Variants in FAM193B observed in about 807,000 individuals in gnomAD.
FAM193B encodes the protein family with sequence similarity 193 member B.
FAM193B carries 27 observed loss-of-function variants against 70.7 expected under a neutral mutation model. The observed-to-expected ratio is 0.38, with a 90% confidence interval of 0.28 to 0.53. The LOEUF is 0.53. FAM193B is among the 20% of genes least tolerant of loss of function. The probability of loss-of-function intolerance (pLI) is 0.81; values close to 1 mark genes in which losing one functional copy is unlikely to be tolerated. For missense variants in FAM193B, 1,022 were observed against 1,072.5 expected, an observed-to-expected ratio of 0.95 and a Z score of 0.66; for synonymous variants, 448 against 436.0, an observed-to-expected ratio of 1.03 and a Z score of -0.34.
At position 177,538,727 on chromosome 5, in the gene FAM193B, C is replaced by T. The variant is rs1293706863; in HGVS notation, c.453+178G>A. Among the ~76,000 whole-genome samples the T allele has an allele frequency of 6.6e-6, 1 of 152,118 alleles. No homozygotes were observed. The highest frequency in any genetic ancestry group is 6.6e-5 in the Admixed American group (1 of 15,266). On this transcript the variant is annotated intron_variant, in intron 2 of 8. Transcript: ENST00000514747. The surrounding 1 kb of genome is among the most constrained non-coding windows in gnomAD (Gnocchi z 4.1). ...CTGACCGGTGGGCTGCCAGAAGTTT[C>T]TCTTCTTCCCCCAAATCTGAACTTG... is the stretch of plus-strand genomic sequence containing the variant.
At chr5:177,525,939 C>A (rs1369908327) in intron 5 of FAM193B, among the ~76,000 whole-genome samples, 1 of 152,250 alleles carries the variant, frequency 6.6e-6, no homozygotes, top group African/African-American at 2.4e-5. Flanking sequence ...ACCTCTCCAT[C>A]CCACCTCAAG....
chr5:177,524,001 C>T lies in FAM193B; in HGVS notation c.2328G>A (p.Gly776=). The T allele has an allele frequency of 6.2e-7, 1 of 1,614,070 alleles. No homozygotes were observed. Among genetic ancestry groups the T allele is most frequent in the Non-Finnish European group, 8.5e-7 (1 of 1,179,900 alleles). The change falls in exon 7 of 9, where the codon GGG becomes GGA. Residue 776 remains glycine, a synonymous_variant. Transcript: ENST00000514747. Reference sequence around the variant, plus strand: ...CTCGGTCAGTCTCATCCATCTCCACCCCGTCCATGTCCTTGGGCAGGAACA... The same window carrying T: ...CTCGGTCAGTCTCATCCATCTCCACTCCGTCCATGTCCTTGGGCAGGAACA... ...DDVFLPKDMD[G]VEMDETDREV...
intron 1 of FAM193B, among the ~76,000 whole-genome samples, chr5:177,549,147 T>C (rs1485917324): frequency 1.3e-5 from 2 of 152,020 alleles, no homozygotes; most frequent in Non-Finnish European, 2.9e-5. Context: ...CCGCACTTGT[T>C]GGACCCTAAC....
At chr5:177,525,254 A>C in intron 5 of FAM193B, 49 bp from the exon 6 acceptor site, 1 of 1,414,884 alleles carries the variant, frequency 7.1e-7, no homozygotes. Flanking sequence ...ACTGCCAGGC[A>C]CAATGTGATA....
chr5:177,540,532 T>C (rs1344106879), intron 1 of FAM193B, among the ~76,000 whole-genome samples: 8 of 152,132 alleles, frequency 5.3e-5, no homozygotes, highest in African/African-American at 1.7e-4. Context: ...AAGGTGTGTA[T>C]ACATTTCCAC....
chr5:177,531,339 G>T (rs764727224), intron 5 of FAM193B: 1 of 1,360,454 alleles, frequency 7.4e-7, no homozygotes, highest in Non-Finnish European at 9.8e-7. Context: ...TGGGGACTTT[G>T]GGCTCCGTGC....
chr5:177,547,781 C>G (rs1765641885), intron 1 of FAM193B, among the ~76,000 whole-genome samples: 1 of 152,168 alleles, frequency 6.6e-6, no homozygotes, highest in African/African-American at 2.4e-5. Context: ...GTAGCTACCA[C>G]TTGTGCTAAG....
intron 1 of FAM193B, among the ~76,000 whole-genome samples, chr5:177,546,879 G>C (rs163196): frequency 3.9e-5 from 6 of 152,206 alleles, no homozygotes; most frequent in African/African-American, 1.4e-4. Context: ...CTGCCTCCTG[G>C]GTGCAATGAG....
Position 177,537,946 on chromosome 5 carries a change from C to G in FAM193B, c.615G>C (p.Ser205=). 1.3e-6 allele frequency: 2 copies of G among 1,579,998 alleles called. No individual in the cohort carries two copies. The highest frequency in any genetic ancestry group is 1.7e-6 in the Non-Finnish European group (2 of 1,162,980). The change falls in exon 3 of 9, where the codon TCG becomes TCC. Residue 205 remains serine (S), a synonymous_variant. Coordinates refer to ENST00000514747, the MANE Select transcript of FAM193B (RefSeq NM_001190946.3). The stretch of plus-strand genomic sequence containing the variant: ...TGGAATGTGGGGAATTCCAGAGGCC[C>G]GAGAGCTTATGTGCCGACAGGAACG... The part of the protein sequence containing the change: ...PSSFLSAHKL[S]GLWNSPHSSG...
At position 177,524,363 on chromosome 5, in the gene FAM193B, G is replaced by A. The variant is rs773139556; in HGVS notation, c.2118C>T (p.Pro706=). The A allele has an allele frequency of 3.8e-6, 6 of 1,573,634 alleles. No individual in the cohort carries two copies. Among genetic ancestry groups the A allele is most frequent in the Non-Finnish European group, 5.2e-6 (6 of 1,160,814 alleles). Residue 706 remains proline, a synonymous_variant, in exon 6 of 9, where the codon CCC becomes CCT. Transcript: ENST00000514747. ...SRPGPGWAGS[P]KTEKEKGSSW... ...AGCTGCCCTTCTCCTTCTCAGTTTTGGGACTGCCAGCCCAACCTGGTCCTG... is the reference window on the plus strand; with the variant it reads ...AGCTGCCCTTCTCCTTCTCAGTTTTAGGACTGCCAGCCCAACCTGGTCCTG...
At position 177,536,347 on chromosome 5, in the gene FAM193B, A is replaced by C. The variant is rs1009835179; in HGVS notation, c.1076+11T>G. 3 of 1,605,526 alleles carry C rather than the reference A, an allele frequency of 1.9e-6. No individual in the cohort carries two copies. Among genetic ancestry groups the C allele is most frequent in the African/African-American group, 1.3e-5 (1 of 74,658 alleles). ...TGGGTAGCGAGTTTGCCCTTCATGC[A>C]GCACACTTACCTGTGAGTGCTAGGG... On this transcript the variant is annotated intron_variant, in intron 4 of 8. Transcript: ENST00000514747.
chr5:177,522,713 ATTTTT>A (rs1201006322), intron 7 of FAM193B, among the ~76,000 whole-genome samples: 1 of 152,006 alleles, frequency 6.6e-6, no homozygotes, highest in African/African-American at 2.4e-5. Context: ...TAGTTATTAT[ATTTTT>A]ATTTTTATTT....
chr5:177,528,530 G>A (rs1581860190), intron 5 of FAM193B, among the ~76,000 whole-genome samples: 1 of 152,264 alleles, frequency 6.6e-6, no homozygotes, highest in Non-Finnish European at 1.5e-5. Flanking sequence ...CTGGGCTGAG[G>A]GGTCAAGAAA....
intron 5 of FAM193B, chr5:177,531,537 A>AGGGGGGGGGGGGGGGGGGGGGGGGT: frequency 5.4e-6 from 5 of 919,400 alleles, no homozygotes; most frequent in East Asian, 6.1e-5. Flanking sequence ...GGTGGGGGGG[A>AGGGGGGGGGGGGGGGGGGGGGGGGT]GGTGCTGACA....
intron 1 of FAM193B, among the ~76,000 whole-genome samples, chr5:177,542,653 C>G (rs752025697): frequency 2.6e-5 from 4 of 152,122 alleles, no homozygotes; most frequent in Non-Finnish European, 5.9e-5. Context: ...TTAAAACCCA[C>G]TTTCTTCTCA....
chr5:177,544,448 A>G (rs1363261720), intron 1 of FAM193B, among the ~76,000 whole-genome samples: 1 of 152,242 alleles, frequency 6.6e-6, no homozygotes, highest in African/African-American at 2.4e-5. Context: ...ATGACTTACT[A>G]TTTAGACTTG....
At chr5:177,547,994 T>C (rs994248499) in intron 1 of FAM193B, among the ~76,000 whole-genome samples, 3 of 152,100 alleles carry the variant, frequency 2.0e-5, no homozygotes, top group African/African-American at 7.2e-5. Context: ...TCCCAAGACA[T>C]AGCATGCCTC....
rs1262752830 is a variant in FAM193B, at chr5:177,536,464, G to T, written c.970C>A (p.Pro324Thr). The change falls in exon 4 of 9, where the codon CCA (proline) becomes ACA (threonine). Residue 324 changes from proline (P) to threonine (T), a missense_variant. Transcript: ENST00000514747. ...STSMPLLKMP[P>T]PFSGCSHPCS... Reference sequence around the variant, plus strand: ...GGGTGGCTGCACCCCGAGAATGGTGGGGGCATCTTCAGGAGCGGCATGCTG... The same window carrying T: ...GGGTGGCTGCACCCCGAGAATGGTGTGGGCATCTTCAGGAGCGGCATGCTG... 1.3e-6 allele frequency: 2 copies of T among 1,587,060 alleles called. No homozygotes were observed. Among genetic ancestry groups the T allele is most frequent in the African/African-American group, 2.7e-5 (2 of 73,336 alleles).
chr5:177,522,753 T>C (rs1761957806), intron 7 of FAM193B, among the ~76,000 whole-genome samples: 1 of 152,254 alleles, frequency 6.6e-6, no homozygotes, highest in Non-Finnish European at 1.5e-5. Context: ...CTTACTCTGT[T>C]ACCCAGGCTG....
Sources: gnomAD v4.1 joint callset for allele counts (sites outside exome capture counted in the v4.1 genomes callset) on GRCh38, gnomAD v4.1.1 for gene constraint, Gnocchi (gnomAD v3.1) non-coding constraint, MANE v1.5 for transcripts, NCBI Gene and HGNC (gene_info 2026-07-23, HGNC 2026-07-21) for gene names.